PPM1E: variants seen among roughly 807,000 people sequenced by gnomAD.
PPM1E encodes protein phosphatase 1E.
A neutral mutation model predicts 65.9 loss-of-function variants in PPM1E; 20 were observed. The ratio of observed to expected loss-of-function variants is 0.30; its 90% confidence interval spans 0.21 to 0.44. The LOEUF is 0.44. PPM1E is among the 20% of genes least tolerant of loss of function. PPM1E has a pLI of 1.00. For synonymous variants in PPM1E, 352 were observed against 374.9 expected, an observed-to-expected ratio of 0.94 and a Z score of 0.70; for missense variants, 713 against 953.1, an observed-to-expected ratio of 0.75 and a Z score of 3.32.
chr17:58,841,286 A>G (rs574162467), intron 1 of PPM1E, among the ~76,000 whole-genome samples: 34 of 152,292 alleles, frequency 2.2e-4, no homozygotes, highest in African/African-American at 7.9e-4. Flanking sequence ...GTGCATAGTG[A>G]CTTCCTTCCA....
At chr17:58,883,118 G>C (rs1304795781) in intron 1 of PPM1E, among the ~76,000 whole-genome samples, 1 of 151,576 alleles carries the variant, frequency 6.6e-6, no homozygotes, top group African/African-American at 2.4e-5. Context: ...ACCACGCCCA[G>C]CTAATTTTTT....
intron 1 of PPM1E, among the ~76,000 whole-genome samples, chr17:58,932,207 G>A (rs1324787420): frequency 1.1e-4 from 16 of 152,144 alleles, no homozygotes; most frequent in African/African-American, 3.6e-4. Flanking sequence ...GGTGGCTCAC[G>A]CCTGTAATCC....
intron 1 of PPM1E, among the ~76,000 whole-genome samples, chr17:58,902,710 T>C (rs2051511992): frequency 6.6e-6 from 1 of 152,202 alleles, no homozygotes; most frequent in Admixed American, 6.6e-5. Context: ...CTGCCATCAT[T>C]GTTTTGCTTC....
intron 1 of PPM1E, among the ~76,000 whole-genome samples, chr17:58,880,081 G>A (rs1372001146): frequency 6.6e-6 from 1 of 152,196 alleles, no homozygotes; most frequent in African/African-American, 2.4e-5. Context: ...CAAAAAAGTA[G>A]CTGTGAAAAA....
chr17:58,871,405 A>G (rs552424947), intron 1 of PPM1E, among the ~76,000 whole-genome samples: 1 of 151,928 alleles, frequency 6.6e-6, no homozygotes, highest in Admixed American at 6.6e-5. Flanking sequence ...GAGCTCCAAC[A>G]CTCCCACAAA....
At chr17:58,883,868 G>A (rs2051235345) in intron 1 of PPM1E, among the ~76,000 whole-genome samples, 2 of 152,098 alleles carry the variant, frequency 1.3e-5, no homozygotes, top group African/African-American at 4.8e-5. Context: ...TAGATTTTCA[G>A]TTTTACTGTA....
At chr17:58,794,828 G>A (rs1205966925) in intron 1 of PPM1E, among the ~76,000 whole-genome samples, 1 of 150,264 alleles carries the variant, frequency 6.7e-6, no homozygotes, top group South Asian at 2.1e-4. Context: ...AGGCATTTAT[G>A]TTGATCCCAT....
chr17:58,852,301 G>C (rs565415411), intron 1 of PPM1E, among the ~76,000 whole-genome samples: 6 of 152,174 alleles, frequency 3.9e-5, no homozygotes, highest in African/African-American at 1.4e-4. Context: ...GATGAACCCA[G>C]TACCTCAGTT....
At chr17:58,857,464 A>T (rs2050895242) in intron 1 of PPM1E, among the ~76,000 whole-genome samples, 1 of 152,110 alleles carries the variant, frequency 6.6e-6, no homozygotes, top group African/African-American at 2.4e-5. Context: ...TCTTGGGAAA[A>T]ATTATTTAAC....
intron 1 of PPM1E, among the ~76,000 whole-genome samples, chr17:58,855,549 A>C (rs1272616758): frequency 6.6e-6 from 1 of 152,204 alleles, no homozygotes; most frequent in African/African-American, 2.4e-5. Flanking sequence ...AAATTACAAG[A>C]CATGCTAAAA....
chr17:58,834,799 T>A (rs976072195), intron 1 of PPM1E, among the ~76,000 whole-genome samples: 1 of 152,202 alleles, frequency 6.6e-6, no homozygotes, highest in African/African-American at 2.4e-5. Flanking sequence ...CTATAGTAAG[T>A]CTTTAAAAAG....
At chr17:58,944,701 G>C (rs530730207) in intron 1 of PPM1E, among the ~76,000 whole-genome samples, 1 of 152,244 alleles carries the variant, frequency 6.6e-6, no homozygotes, top group South Asian at 2.1e-4. Context: ...TAATATTCCA[G>C]TGTATGAATA....
At position 58,755,883 on chromosome 17, in the gene PPM1E, G is replaced by C; in HGVS notation, c.-115G>C. On this transcript the variant is annotated 5_prime_UTR_variant, in exon 1 of 7. Coordinates refer to ENST00000308249, the MANE Select transcript of PPM1E (RefSeq NM_014906.5). ...CCAGGCAACCTAGTGCTGATCGCTC[G>C]TGCCGGTGCGGCCGTTAACCGCCCT... The C allele has an allele frequency of 6.6e-7, 1 of 1,514,014 alleles. No individual in the cohort carries two copies. The highest frequency in any genetic ancestry group is 8.8e-7 in the Non-Finnish European group (1 of 1,132,510). The allele number at this position is 1,514,014 out of a possible 1,614,324, so 93.8% of individuals were successfully genotyped here. A position where few individuals can be genotyped will look rare whatever the true frequency, so the allele number is the denominator to read the frequency against.
At position 58,985,112 on chromosome 17, in the gene PPM1E, TC is replaced by T. The variant is rs2031676196; in HGVS notation, c.*4082del. ...ATCCTTCATATTTTATTAAAAGTGT[TC>T]ATTCAGGTAAGGTGTATGTTGAAAT... On this transcript the variant is annotated 3_prime_UTR_variant, in exon 7 of 7. Coordinates refer to ENST00000308249, the MANE Select transcript of PPM1E (RefSeq NM_014906.5). 6.6e-6 allele frequency: 1 copy of T among 152,660 alleles called. No homozygotes were observed. The highest frequency in any genetic ancestry group is 1.5e-5 in the Non-Finnish European group (1 of 68,038). 9.5% of individuals were successfully genotyped at this position (152,660 alleles called of 1,614,324 possible). A position where few individuals can be genotyped will look rare whatever the true frequency, so the allele number is the denominator to read the frequency against.
At chr17:58,919,734 C>G (rs796346482) in intron 1 of PPM1E, among the ~76,000 whole-genome samples, 18 of 151,928 alleles carry the variant, frequency 1.2e-4, no homozygotes, top group African/African-American at 4.3e-4. Context: ...TTGCAGTGAG[C>G]CGAGATCACA....
At chr17:58,874,918 A>G (rs1280704278) in intron 1 of PPM1E, among the ~76,000 whole-genome samples, 1 of 152,200 alleles carries the variant, frequency 6.6e-6, no homozygotes, top group Non-Finnish European at 1.5e-5. Flanking sequence ...TACAGCATCA[A>G]TAGATAAAGC....
At chr17:58,796,523 G>A (rs1179497574) in intron 1 of PPM1E, among the ~76,000 whole-genome samples, 1 of 152,162 alleles carries the variant, frequency 6.6e-6, no homozygotes, top group East Asian at 1.9e-4. Context: ...ACTTGCCTTG[G>A]CCTCCCAAAA....
At chr17:58,856,850 T>G (rs763387693) in intron 1 of PPM1E, among the ~76,000 whole-genome samples, 6 of 152,228 alleles carry the variant, frequency 3.9e-5, no homozygotes, top group Non-Finnish European at 7.3e-5. Context: ...ACCCAGTCTG[T>G]GGTACTTTGT....
chr17:58,943,664 T>C (rs576437646), intron 1 of PPM1E, among the ~76,000 whole-genome samples: 1 of 152,244 alleles, frequency 6.6e-6, no homozygotes, highest in South Asian at 2.1e-4. Flanking sequence ...TTTAACTTGT[T>C]AAATATGAAG....
Sources: allele counts gnomAD v4.1 joint callset (sites outside exome capture counted in the v4.1 genomes callset), GRCh38; gene constraint gnomAD v4.1.1; transcripts MANE v1.5; gene names NCBI Gene and HGNC (gene_info 2026-07-23, HGNC 2026-07-21).